Variants in GDAP1 observed in about 807,000 individuals in gnomAD.
GDAP1 encodes the protein ganglioside induced differentiation associated protein 1.
A neutral mutation model predicts 40.1 loss-of-function variants in GDAP1; 34 were observed. That is an observed-to-expected ratio of 0.85 (90% CI 0.64 to 1.13). The LOEUF (loss-of-function observed/expected upper bound fraction) is 1.13, where lower values mean the gene tolerates loss of function less well. Ranked by LOEUF, GDAP1 falls within the 50% of genes most tolerant of loss-of-function variation. The pLI is 0.00. For missense variants in GDAP1, 374 were observed against 433.7 expected (o/e 0.86, Z 1.22); for synonymous variants, 170 against 157.4 (o/e 1.08, Z -0.60).
chr8:74,426,083 G>GGCAT (rs1428446016), intron 2 of GDAP1, among the ~76,000 whole-genome samples: 1 of 152,094 alleles, frequency 6.6e-6, no homozygotes, highest in Non-Finnish European at 1.5e-5. Flanking sequence ...ATTGCATATA[G>GGCAT]GCATGCATGC....
At chr8:74,361,756 C>G in intron 3 of GDAP1, 128 bp from the exon 4 acceptor site, 1 of 703,874 alleles carries the variant, frequency 1.4e-6, no homozygotes, top group South Asian at 1.5e-5. Flanking sequence ...CAGGGTAAGC[C>G]CAAGGCAGAG....
At chr8:74,391,369 T>C (rs951415498) in intron 2 of GDAP1, among the ~76,000 whole-genome samples, 4 of 152,052 alleles carry the variant, frequency 2.6e-5, no homozygotes, top group African/African-American at 9.7e-5. Context: ...AAAAGCATAG[T>C]ATCTGGGCCA....
chr8:74,421,571 A>G (rs541569177), intron 2 of GDAP1, among the ~76,000 whole-genome samples: 1 of 152,302 alleles, frequency 6.6e-6, no homozygotes, highest in East Asian at 1.9e-4. Context: ...GGTGAAAGTG[A>G]TGGTAACCAT....
intron 2 of GDAP1, among the ~76,000 whole-genome samples, chr8:74,390,927 C>T (rs990912568): frequency 1.3e-5 from 2 of 152,182 alleles, no homozygotes; most frequent in Admixed American, 6.5e-5. Flanking sequence ...GCAGCTTTGC[C>T]GAACTGCAGT....
chr8:74,436,297 G>T (rs758453969), intron 2 of GDAP1, among the ~76,000 whole-genome samples: 1 of 152,168 alleles, frequency 6.6e-6, no homozygotes, highest in Non-Finnish European at 1.5e-5. Context: ...TTGGAAAAGA[G>T]TGATCAGAAA....
chr8:74,463,594 T>A (rs1460803140), intron 2 of GDAP1, among the ~76,000 whole-genome samples: 2 of 152,314 alleles, frequency 1.3e-5, no homozygotes, highest in East Asian at 3.9e-4. Flanking sequence ...GCAGAGGTTG[T>A]TCCTCTGCTT....
At chr8:74,394,270 C>G (rs1207880961) in intron 2 of GDAP1, among the ~76,000 whole-genome samples, 1 of 152,142 alleles carries the variant, frequency 6.6e-6, no homozygotes, top group Non-Finnish European at 1.5e-5. Context: ...AGACCCACCC[C>G]CATGATTCAA....
At chr8:74,356,716 A>ATATATTTTT (rs375377157) in intron 2 of GDAP1, among the ~76,000 whole-genome samples, 1 of 104,362 alleles carries the variant, frequency 9.6e-6, no homozygotes, top group Non-Finnish European at 1.8e-5. Context: ...ATATATATAT[A>ATATATTTTT]TTTTTTTTTT....
intron 2 of GDAP1, among the ~76,000 whole-genome samples, chr8:74,358,200 TG>T (rs1298000148): frequency 6.6e-6 from 1 of 152,214 alleles, no homozygotes; most frequent in Non-Finnish European, 1.5e-5. Flanking sequence ...TTGAAGAATT[TG>T]GGCTTGGCCT....
chr8:74,434,401 T>G (rs1237633813), intron 2 of GDAP1, among the ~76,000 whole-genome samples: 1 of 152,208 alleles, frequency 6.6e-6, no homozygotes, highest in East Asian at 1.9e-4. Flanking sequence ...ACTGTTCTCA[T>G]GAAGTAATTA....
At chr8:74,404,875 C>G (rs978264906) in intron 2 of GDAP1, among the ~76,000 whole-genome samples, 6 of 149,878 alleles carry the variant, frequency 4.0e-5, no homozygotes, top group Admixed American at 3.3e-4. Context: ...TACCATAATT[C>G]AAAGATGCTC....
chr8:74,367,866 G>C (rs1229097540), downstream of GDAP1, among the ~76,000 whole-genome samples: 1 of 152,184 alleles, frequency 6.6e-6, no homozygotes, highest in Admixed American at 6.5e-5. Flanking sequence ...TTGCACCTAA[G>C]TTGGGGCCTG....
chr8:74,431,156 C>T (rs1806020152), intron 2 of GDAP1, among the ~76,000 whole-genome samples: 1 of 148,202 alleles, frequency 6.7e-6, no homozygotes, highest in Non-Finnish European at 1.5e-5. Flanking sequence ...TTTGCTGTTG[C>T]ATCACCATAA....
At chr8:74,384,278 T>G (rs200896243) in intron 2 of GDAP1, among the ~76,000 whole-genome samples, 2 of 152,172 alleles carry the variant, frequency 1.3e-5, no homozygotes, top group Admixed American at 1.3e-4. Context: ...AGTAACAAAC[T>G]GTATTATACA....
At chr8:74,434,324 CAGTT>C (rs1806062763) in intron 2 of GDAP1, among the ~76,000 whole-genome samples, 1 of 152,174 alleles carries the variant, frequency 6.6e-6, no homozygotes, top group African/African-American at 2.4e-5. Flanking sequence ...CAGTGTCAGC[CAGTT>C]AAACTCTAGA....
intron 2 of GDAP1, among the ~76,000 whole-genome samples, chr8:74,373,403 T>C (rs1035698585): frequency 2.6e-5 from 4 of 152,198 alleles, no homozygotes; most frequent in African/African-American, 9.7e-5. Context: ...GGAATGTTCT[T>C]CCATTTGTTT....
chr8:74,459,733 T>C (rs1262888366), intron 2 of GDAP1, among the ~76,000 whole-genome samples: 2 of 152,244 alleles, frequency 1.3e-5, no homozygotes, highest in Non-Finnish European at 2.9e-5. Flanking sequence ...GCCAATTTTA[T>C]TTCTTTTGGT....
At chr8:74,360,103 CT>C (rs1809283014) in intron 2 of GDAP1, 33 bp from the exon 3 acceptor site, 1 of 1,553,164 alleles carries the variant, frequency 6.4e-7, no homozygotes, top group Non-Finnish European at 8.9e-7. Flanking sequence ...TCATGTGTAA[CT>C]TTTTCTTCAA....
intron 2 of GDAP1, among the ~76,000 whole-genome samples, chr8:74,427,727 A>G (rs933046681): frequency 6.6e-6 from 1 of 152,164 alleles, no homozygotes; most frequent in Non-Finnish European, 1.5e-5. Flanking sequence ...GTCTGTACTC[A>G]ATTTTTCTGT....
Sources: gnomAD v4.1 joint callset for allele counts (sites outside exome capture counted in the v4.1 genomes callset) on GRCh38, gnomAD v4.1.1 for gene constraint, MANE v1.5 for transcripts, NCBI Gene and HGNC (gene_info 2026-07-23, HGNC 2026-07-21) for gene names.